TTYH1: variants seen among roughly 807,000 people sequenced by gnomAD.
The protein encoded by TTYH1 is protein tweety homolog 1.
In TTYH1, 33 loss-of-function variants were observed where a neutral mutation model predicts 61.2. The ratio of observed to expected loss-of-function variants is 0.54; its 90% CI spans 0.41 to 0.72. The LOEUF (loss-of-function observed/expected upper bound fraction) is 0.72, where lower values mean the gene tolerates loss of function less well. TTYH1 is among the 30% of genes least tolerant of loss of function. TTYH1 has a pLI of 0.00. For missense variants in TTYH1, 538 were observed against 575.8 expected, an observed-to-expected ratio of 0.93 and a Z score of 0.67; for synonymous variants, 308 against 266.4, an observed-to-expected ratio of 1.16 and a Z score of -1.52.
chr19:54,434,518 C>T lies in TTYH1; in HGVS notation c.1126-1024C>T, dbSNP rs1399217255. 6.6e-6 allele frequency: 1 copy of T among 152,380 alleles called. No homozygotes were observed. The highest frequency in any genetic ancestry group is 1.5e-5 in the Non-Finnish European group (1 of 68,212). The allele number at this position is 152,380 out of a possible 1,614,324, so 9.4% of individuals were successfully genotyped here. On this transcript the variant is annotated intron_variant, in intron 10 of 13. Coordinates refer to ENST00000376530, the MANE Select transcript of TTYH1 (RefSeq NM_020659.4). The surrounding 1 kb of genome is among the most constrained non-coding windows in gnomAD (Gnocchi z 4.3). The stretch of plus-strand genomic sequence containing the variant: ...ACCCCTGCCCTGCACTGACCCCCGC[C>T]CTCCTACCTCGTTGCACACCAGCCT...
Position 54,416,305 on chromosome 19 carries a change from T to G in TTYH1, c.126+627T>G. On this transcript the variant is annotated intron_variant, in intron 1 of 13. Transcript: ENST00000376530. The surrounding 1 kb of genome is among the most constrained non-coding windows in gnomAD (Gnocchi z 7.0). ...GCAGGGGTGAGGGCCGAGATGAGGC[T>G]GGGTTTGGGGAGCCTCGGGATGACA... 3.7e-6 allele frequency: 1 copy of G among 271,364 alleles called. No individual in the cohort carries two copies. Among genetic ancestry groups the G allele is most frequent in the South Asian group, 3.4e-5 (1 of 29,144 alleles). The allele number at this position is 271,364 out of a possible 1,614,324, so 16.8% of individuals were successfully genotyped here. A position where few individuals can be genotyped will look rare whatever the true frequency, so the allele number is the denominator to read the frequency against.
chr19:54,423,198 A>ATTT (rs1175182125), intron 4 of TTYH1, among the ~76,000 whole-genome samples: 5 of 133,008 alleles, frequency 3.8e-5, no homozygotes, highest in African/African-American at 1.4e-4. Context: ...GTTCAGCACT[A>ATTT]TTTTTTTTTT....
intron 1 of TTYH1, among the ~76,000 whole-genome samples, chr19:54,417,344 C>T (rs2083106646): frequency 6.6e-6 from 1 of 151,170 alleles, no homozygotes; most frequent in Non-Finnish European, 1.5e-5. Context: ...CACTTACTTT[C>T]ATTACACACA....
At position 54,435,977 on chromosome 19, in the gene TTYH1, G is replaced by T. The variant is rs1486583002; in HGVS notation, c.1314+104G>T. The T allele has an allele frequency of 2.5e-6, 4 of 1,580,240 alleles. No individual in the cohort carries two copies. In the Admixed American group the frequency reaches 6.7e-5, roughly 27 times the overall value. On this transcript the variant is annotated intron_variant, in intron 12 of 13. Coordinates refer to ENST00000376530, the MANE Select transcript of TTYH1 (RefSeq NM_020659.4). ...CTGGCCGCCTGGGTCTGAGGGAGGAGGGGCTGGGGCCCGGACTCCTGGGTC... is the reference window on the plus strand; with the variant it reads ...CTGGCCGCCTGGGTCTGAGGGAGGATGGGCTGGGGCCCGGACTCCTGGGTC...
intron 1 of TTYH1, among the ~76,000 whole-genome samples, chr19:54,417,291 A>G (rs776149522): frequency 3.7e-4 from 56 of 150,782 alleles, no homozygotes; most frequent in African/African-American, 5.6e-4. Context: ...TACTCCCATT[A>G]CACACTCACA....
Position 54,429,988 on chromosome 19 carries a change from G to T in TTYH1, c.883+31G>T. 1 of 1,601,266 alleles carries T rather than the reference G, an allele frequency of 6.2e-7. No individual in the cohort carries two copies. Among genetic ancestry groups the T allele is most frequent in the Non-Finnish European group, 8.6e-7 (1 of 1,169,116 alleles). Reference sequence around the variant, plus strand: ...TTCCAAGGGCCCGGTGGGTCCGCCGGGTTGGGCAGTGCAGGCCCTGGCTTC... The same window carrying T: ...TTCCAAGGGCCCGGTGGGTCCGCCGTGTTGGGCAGTGCAGGCCCTGGCTTC... On this transcript the variant is annotated intron_variant, in intron 7 of 13. Transcript: ENST00000376530. This position sits in a 1 kb window ranked among gnomAD's most constrained non-coding sequence, Gnocchi z 5.1.
At position 54,436,447 on chromosome 19, in the gene TTYH1, T is replaced by A; in HGVS notation, c.*157T>A. The stretch of plus-strand genomic sequence containing the variant: ...GGACCGCCTCCCTGCTCTTGGCCAC[T>A]GTGCTCCCATTTCTGTCCTTGGCCT... On this transcript the variant is annotated 3_prime_UTR_variant, in exon 14 of 14. Transcript: ENST00000376530. The surrounding 1 kb of genome is among the most constrained non-coding windows in gnomAD (Gnocchi z 4.3). 3 of 1,526,190 alleles carry A rather than the reference T, an allele frequency of 2.0e-6. No homozygotes were observed. The highest frequency in any genetic ancestry group is 2.7e-6 in the Non-Finnish European group (3 of 1,101,494). 94.5% of individuals were successfully genotyped at this position (1,526,190 alleles called of 1,614,324 possible).
chr19:54,431,503 C>T (rs947773274), intron 10 of TTYH1: 2 of 433,870 alleles, frequency 4.6e-6, no homozygotes, highest in Non-Finnish European at 8.3e-6. Flanking sequence ...GTCTTCTCTC[C>T]TCTCTCCGTC....
At chr19:54,430,662 A>AAGGG in intron 8 of TTYH1, 57 bp downstream of exon 8, 1 of 1,363,272 alleles carries the variant, frequency 7.3e-7, no homozygotes, top group Non-Finnish European at 1.0e-6. Flanking sequence ...CTGGACTCTG[A>AAGGG]AGGGAGGGGG....
chr19:54,423,831 A>G (rs535221314), intron 4 of TTYH1, among the ~76,000 whole-genome samples: 1 of 152,250 alleles, frequency 6.6e-6, no homozygotes, highest in East Asian at 1.9e-4. Flanking sequence ...CGCAGAGAAA[A>G]ACATTGTAAG....
chr19:54,430,861 C>A lies in TTYH1; in HGVS notation c.988C>A (p.Leu330Met). 6.2e-7 allele frequency: 1 copy of A among 1,613,892 alleles called. No individual in the cohort carries two copies. The highest frequency in any genetic ancestry group is 8.5e-7 in the Non-Finnish European group (1 of 1,180,026). The change falls in exon 9 of 14, where the codon CTG becomes ATG. Residue 330 changes from leucine to methionine, a missense_variant. This residue lies in a region of TTYH1 where 378 missense variants were observed against 401.2 expected (regional missense o/e 0.94). Coordinates refer to ENST00000376530, the MANE Select transcript of TTYH1 (RefSeq NM_020659.4). ...TCTGGCCAACATCCACTCCCAGCTG[C>A]TGGGCCTGGAGCGAGAAGCTGTGCC... ...RALANIHSQL[L>M]GLEREAVPQF...
In TTYH1 at chr19:54,429,587, C is replaced by A. The variant is rs1459768925; in HGVS notation, c.807+208C>A. ...GCTGTAATGGAGGAGGGGCTGGAAA[C>A]CTGGATTCCTAGGTCTGAGGGAGGA... On this transcript the variant is annotated intron_variant, in intron 6 of 13. Coordinates refer to ENST00000376530, the MANE Select transcript of TTYH1 (RefSeq NM_020659.4). The surrounding 1 kb of genome is among the most constrained non-coding windows in gnomAD (Gnocchi z 5.1). Among the ~76,000 whole-genome samples the A allele has an allele frequency of 6.6e-6, 1 of 151,866 alleles. No individual in the cohort carries two copies. The highest frequency in any genetic ancestry group is 1.5e-5 in the Non-Finnish European group (1 of 67,966).
At chr19:54,435,006 A>T (rs193127216) in intron 10 of TTYH1, 1 of 153,332 alleles carries the variant, frequency 6.5e-6, no homozygotes, top group Non-Finnish European at 1.5e-5. Context: ...ATCTGGCTCA[A>T]AATGTCAGCA....
In TTYH1 at chr19:54,436,215, GC is replaced by G. The variant is rs746851449; in HGVS notation, c.*42+50del. Reference sequence around the variant, plus strand: ...CCCCAGCTCCTGCAGCCGGGCCTCTGCCCCCCTCCCGCCCTCCGAGCTGCTC... The same window carrying G: ...CCCCAGCTCCTGCAGCCGGGCCTCTGCCCCCTCCCGCCCTCCGAGCTGCTC... On this transcript the variant is annotated intron_variant, in intron 13 of 13. Coordinates refer to ENST00000376530, the MANE Select transcript of TTYH1 (RefSeq NM_020659.4). This position sits in a 1 kb window ranked among gnomAD's most constrained non-coding sequence, Gnocchi z 4.3. The G allele has an allele frequency of 1.2e-6, 2 of 1,608,216 alleles. No homozygotes were observed. Among genetic ancestry groups the G allele is most frequent in the South Asian group, 2.2e-5 (2 of 90,806 alleles).
chr19:54,423,478 A>G (rs1250808248), intron 4 of TTYH1, among the ~76,000 whole-genome samples: 2 of 152,076 alleles, frequency 1.3e-5, no homozygotes, highest in Admixed American at 1.3e-4. Context: ...AGCACTATTT[A>G]TTTAGCACCC....
Position 54,416,075 on chromosome 19 carries a change from G to C in TTYH1, c.126+397G>C. 2 of 1,306,466 alleles carry C rather than the reference G, an allele frequency of 1.5e-6. No homozygotes were observed. Among genetic ancestry groups the C allele is most frequent in the Non-Finnish European group, 1.0e-6 (1 of 990,426 alleles). 80.9% of individuals were successfully genotyped at this position (1,306,466 alleles called of 1,614,324 possible). On this transcript the variant is annotated intron_variant, in intron 1 of 13. Coordinates refer to ENST00000376530, the MANE Select transcript of TTYH1 (RefSeq NM_020659.4). The surrounding 1 kb of genome is among the most constrained non-coding windows in gnomAD (Gnocchi z 7.0). ...CCACAGGATCAGAGCAGGTGAATAT[G>C]TCCCAGATAAGGTGGGACCCAGGAG...
rs1237721049 is a variant in TTYH1 at position 54,434,689 on chromosome 19, T to C, written c.1126-853T>C. 6.6e-6 allele frequency: 1 copy of C among 152,340 alleles called. No individual in the cohort carries two copies. Among genetic ancestry groups the C allele is most frequent in the African/African-American group, 2.4e-5 (1 of 41,456 alleles). 9.4% of individuals were successfully genotyped at this position (152,340 alleles called of 1,614,324 possible). On this transcript the variant is annotated intron_variant, in intron 10 of 13. Transcript: ENST00000376530. The surrounding 1 kb of genome is among the most constrained non-coding windows in gnomAD (Gnocchi z 4.3). ...GGTGAAGGCCGTTTCTGCTGATTTC[T>C]TGGGACGACAGTCATCAGAGCCAGC...
At chr19:54,432,924 C>T (rs2083470630) in intron 10 of TTYH1, 1 of 152,246 alleles carries the variant, frequency 6.6e-6, no homozygotes, top group Non-Finnish European at 1.5e-5. Flanking sequence ...GTGGCTCCCA[C>T]TGCCTCCCAC....
chr19:54,423,883 C>G (rs1357798406), intron 4 of TTYH1, among the ~76,000 whole-genome samples: 1 of 152,150 alleles, frequency 6.6e-6, no homozygotes, highest in Admixed American at 6.6e-5. Context: ...ACAGAGGGGA[C>G]CAGGCACGGT....
Sources: allele counts gnomAD v4.1 joint callset (sites outside exome capture counted in the v4.1 genomes callset), GRCh38; gene constraint gnomAD v4.1.1; regional missense constraint gnomAD v4.1.1; non-coding constraint Gnocchi (gnomAD v3.1); transcripts MANE v1.5; gene names NCBI Gene and HGNC (gene_info 2026-07-23, HGNC 2026-07-21).